ADARB2: variants seen among roughly 807,000 people sequenced by gnomAD.
ADARB2 encodes inactive double-stranded RNA-specific editase B2.
A neutral mutation model predicts 62.2 loss-of-function variants in ADARB2; 25 were observed. The ratio of observed to expected loss-of-function variants is 0.40; its 90% CI spans 0.29 to 0.56. The LOEUF is 0.56. Ranked by LOEUF, ADARB2 falls within the 20% of genes least tolerant of loss-of-function variation. The pLI is 0.43. For synonymous variants in ADARB2, 572 were observed against 500.8 expected (o/e 1.14, Z -1.90); for missense variants, 1,071 against 1,077.4 (o/e 0.99, Z 0.08).
At chr10:1,562,836 A>G (rs1832803026) in intron 1 of ADARB2, among the ~76,000 whole-genome samples, 1 of 152,232 alleles carries the variant, frequency 6.6e-6, no homozygotes, top group Admixed American at 6.5e-5. Context: ...CATGGGCTGG[A>G]GACAATGCAG....
chr10:1,479,452 T>C (rs967599160), intron 1 of ADARB2, among the ~76,000 whole-genome samples: 1 of 152,014 alleles, frequency 6.6e-6, no homozygotes, highest in Non-Finnish European at 1.5e-5. Context: ...GGCTGGGAGA[T>C]GGAGTTTTGG....
At chr10:1,604,606 G>A (rs1314680636) in intron 1 of ADARB2, among the ~76,000 whole-genome samples, 1 of 152,170 alleles carries the variant, frequency 6.6e-6, no homozygotes, top group Non-Finnish European at 1.5e-5. Flanking sequence ...AATACAAAGA[G>A]CCTGGTTTTG....
chr10:1,553,688 A>G (rs751109460), intron 1 of ADARB2, among the ~76,000 whole-genome samples: 8 of 152,208 alleles, frequency 5.3e-5, no homozygotes, highest in Non-Finnish European at 1.2e-4. Context: ...TCTACCCAGA[A>G]GCCTAAAAAT....
chr10:1,314,080 C>A (rs74764931), intron 3 of ADARB2, among the ~76,000 whole-genome samples: 5 of 152,250 alleles, frequency 3.3e-5, no homozygotes, highest in African/African-American at 1.2e-4. Flanking sequence ...ACCTGAGGCT[C>A]GGAGACATCG....
intron 1 of ADARB2, among the ~76,000 whole-genome samples, chr10:1,457,848 G>A (rs1293319396): frequency 1.4e-5 from 1 of 74,056 alleles, no homozygotes; most frequent in East Asian, 3.0e-4. Flanking sequence ...ATAGGTAGAG[G>A]GCAAAGACTG....
intron 1 of ADARB2, among the ~76,000 whole-genome samples, chr10:1,645,948 C>T (rs1323924599): frequency 1.3e-5 from 2 of 152,208 alleles, no homozygotes. Context: ...TCTGTCCCTG[C>T]CTGGTGGAGC....
chr10:1,271,349 T>C (rs942529066), intron 3 of ADARB2, among the ~76,000 whole-genome samples: 1 of 152,028 alleles, frequency 6.6e-6, no homozygotes, highest in Non-Finnish European at 1.5e-5. Flanking sequence ...ATGGAAACAG[T>C]GTCTACTTCC....
intron 1 of ADARB2, among the ~76,000 whole-genome samples, chr10:1,539,829 A>T (rs1418511224): frequency 1.3e-5 from 2 of 152,210 alleles, no homozygotes; most frequent in African/African-American, 4.8e-5. Context: ...GCCCCCGTTA[A>T]ATATGATTTG....
At chr10:1,359,833 G>A (rs12269364) in intron 3 of ADARB2, among the ~76,000 whole-genome samples, 20,755 of 152,246 alleles carry the variant, frequency 0.14, 3,015 homozygotes, top group African/African-American at 0.36. Flanking sequence ...AGTGCAGACC[G>A]CTGACCTCCC....
At chr10:1,464,422 G>A (rs1831222120) in intron 1 of ADARB2, among the ~76,000 whole-genome samples, 2 of 127,182 alleles carry the variant, frequency 1.6e-5, no homozygotes, top group African/African-American at 3.0e-5. Flanking sequence ...CACGCGCGGG[G>A]GCCAGTCACA....
intron 1 of ADARB2, among the ~76,000 whole-genome samples, chr10:1,458,321 T>G (rs1327948844): frequency 6.6e-6 from 1 of 151,848 alleles, no homozygotes; most frequent in Non-Finnish European, 1.5e-5. Context: ...CCTAATGAGC[T>G]GCCAGGAGAA....
At chr10:1,525,359 G>A (rs1049873700) in intron 1 of ADARB2, among the ~76,000 whole-genome samples, 1 of 152,180 alleles carries the variant, frequency 6.6e-6, no homozygotes, top group Non-Finnish European at 1.5e-5. Flanking sequence ...TTTCATCTGC[G>A]GGAGTGGATC....
chr10:1,448,237 G>A (rs1830995159), intron 1 of ADARB2, among the ~76,000 whole-genome samples: 1 of 152,176 alleles, frequency 6.6e-6, no homozygotes, highest in South Asian at 2.1e-4. Flanking sequence ...GCGAGGGGAA[G>A]ATTAGGTTTT....
intron 8 of ADARB2, among the ~76,000 whole-genome samples, chr10:1,196,816 G>C (rs920113204): frequency 6.6e-6 from 1 of 152,016 alleles, no homozygotes; most frequent in Non-Finnish European, 1.5e-5. Flanking sequence ...TGGCCAGGCT[G>C]GTCTCAAACT....
At chr10:1,514,888 G>A (rs1349267189) in intron 1 of ADARB2, among the ~76,000 whole-genome samples, 1 of 152,110 alleles carries the variant, frequency 6.6e-6, no homozygotes, top group African/African-American at 2.4e-5. Context: ...TGTGCTCACG[G>A]CAAGACCAGC....
At chr10:1,721,411 T>C (rs1835091100) in intron 1 of ADARB2, among the ~76,000 whole-genome samples, 1 of 152,214 alleles carries the variant, frequency 6.6e-6, no homozygotes, top group Admixed American at 6.5e-5. Context: ...CAGCGTGTTT[T>C]CTATATTTTC....
At chr10:1,331,895 A>G (rs770450537) in intron 3 of ADARB2, among the ~76,000 whole-genome samples, 3 of 152,206 alleles carry the variant, frequency 2.0e-5, no homozygotes, top group Non-Finnish European at 4.4e-5. Context: ...GGAATTATTC[A>G]GAGAGCTTTT....
chr10:1,412,281 G>T (rs986551843), intron 1 of ADARB2, among the ~76,000 whole-genome samples: 1 of 152,104 alleles, frequency 6.6e-6, no homozygotes, highest in Admixed American at 6.5e-5. Flanking sequence ...AAAGGAAGTC[G>T]CAAACCCTGT....
At chr10:1,312,945 CAA>C (rs1037663512) in intron 3 of ADARB2, among the ~76,000 whole-genome samples, 4 of 152,164 alleles carry the variant, frequency 2.6e-5, no homozygotes, top group South Asian at 2.1e-4. Flanking sequence ...GGAGTGGACA[CAA>C]GAGGGCGGCA....
Sources: gnomAD v4.1 joint callset for allele counts (sites outside exome capture counted in the v4.1 genomes callset) on GRCh38, gnomAD v4.1.1 for gene constraint, MANE v1.5 for transcripts, NCBI Gene and HGNC (gene_info 2026-07-23, HGNC 2026-07-21) for gene names.